RBFOX1: variants seen among roughly 807,000 people sequenced by gnomAD.
RBFOX1 encodes RNA binding fox-1 homolog 1, also known as RNA binding protein fox-1 homolog 1.
Under a neutral mutation model 57.7 loss-of-function variants are expected in RBFOX1, and 8 were observed. The ratio of observed to expected loss-of-function variants is 0.14; its 90% CI spans 0.08 to 0.25. The LOEUF (loss-of-function observed/expected upper bound fraction) is 0.25. RBFOX1 is among the 10% of genes least tolerant of loss of function. The probability of loss-of-function intolerance (pLI) is 1.00; values close to 1 mark genes in which losing one functional copy is unlikely to be tolerated. For missense variants in RBFOX1, 611 were observed against 548.5 expected (o/e 1.11, Z -1.14); for synonymous variants, 326 against 222.4 (o/e 1.47, Z -4.15).
chr16:5,875,801 G>A (rs186025292), intron 4 of RBFOX1, among the ~76,000 whole-genome samples: 25 of 151,656 alleles, frequency 1.6e-4, no homozygotes, highest in Non-Finnish European at 3.1e-4. Context: ...GAAAAACTAG[G>A]TATCTGTTGC....
At chr16:7,584,976 T>C (rs1339220846) in intron 6 of RBFOX1, among the ~76,000 whole-genome samples, 5 of 152,220 alleles carry the variant, frequency 3.3e-5, no homozygotes, top group African/African-American at 1.2e-4. Flanking sequence ...GTTTGATTGG[T>C]TCTGTCTCAA....
intron 3 of RBFOX1, among the ~76,000 whole-genome samples, chr16:5,763,884 G>T (rs2053677401): frequency 6.6e-6 from 1 of 152,142 alleles, no homozygotes; most frequent in Admixed American, 6.5e-5. Context: ...GGGTTTCCCA[G>T]ATCTCTTTTT....
intron 2 of RBFOX1, among the ~76,000 whole-genome samples, chr16:6,489,072 T>C (rs1386469396): frequency 1.3e-5 from 2 of 152,192 alleles, no homozygotes; most frequent in Admixed American, 1.3e-4. Context: ...TCTTTCTTTA[T>C]AAATATGGCA....
chr16:7,450,506 A>T (rs190808445), intron 4 of RBFOX1, among the ~76,000 whole-genome samples: 7 of 152,098 alleles, frequency 4.6e-5, no homozygotes, highest in Admixed American at 1.3e-4. Context: ...GGATTTGAAG[A>T]TAACGGCCCC....
At chr16:6,120,420 T>C (rs2096540390) in intron 1 of RBFOX1, among the ~76,000 whole-genome samples, 1 of 152,194 alleles carries the variant, frequency 6.6e-6, no homozygotes. Context: ...CCATTCTCTT[T>C]GTAAACAAAT....
chr16:7,462,014 C>G (rs764121150), intron 4 of RBFOX1, among the ~76,000 whole-genome samples: 1 of 152,164 alleles, frequency 6.6e-6, no homozygotes, highest in Non-Finnish European at 1.5e-5. Context: ...TATTTTCTCT[C>G]CTTACGTGCC....
intron 2 of RBFOX1, among the ~76,000 whole-genome samples, chr16:6,550,246 C>G (rs1393344240): frequency 1.3e-5 from 2 of 152,064 alleles, no homozygotes; most frequent in Non-Finnish European, 2.9e-5. Context: ...GGCGTGATCT[C>G]AGCTCACTGC....
chr16:5,340,504 A>G (rs999101108), intron 1 of RBFOX1, among the ~76,000 whole-genome samples: 5 of 152,228 alleles, frequency 3.3e-5, no homozygotes, highest in Admixed American at 1.3e-4. Flanking sequence ...GGCATGTGTC[A>G]TTCCTGAAGT....
At chr16:7,362,804 C>G (rs938336714) in intron 4 of RBFOX1, among the ~76,000 whole-genome samples, 1 of 152,126 alleles carries the variant, frequency 6.6e-6, no homozygotes, top group Non-Finnish European at 1.5e-5. Flanking sequence ...CAAGTGTTCA[C>G]TGCCAGAGAA....
intron 4 of RBFOX1, among the ~76,000 whole-genome samples, chr16:7,208,623 G>A (rs1190307923): frequency 6.6e-6 from 1 of 151,986 alleles, no homozygotes; most frequent in Non-Finnish European, 1.5e-5. Flanking sequence ...TTTGCTTCAG[G>A]GTAAGAGTTT....
At chr16:7,131,730 G>C (rs1314990792) in intron 4 of RBFOX1, among the ~76,000 whole-genome samples, 2 of 151,962 alleles carry the variant, frequency 1.3e-5, no homozygotes, top group South Asian at 4.1e-4. Flanking sequence ...TCTGACCAGA[G>C]GCTCTTGTAC....
At chr16:7,272,196 T>C (rs1422177910) in intron 4 of RBFOX1, among the ~76,000 whole-genome samples, 1 of 152,218 alleles carries the variant, frequency 6.6e-6, no homozygotes, top group Admixed American at 6.5e-5. Context: ...CTATTTTATT[T>C]TTTTTGAGAA....
intron 1 of RBFOX1, among the ~76,000 whole-genome samples, chr16:5,449,056 C>T (rs1215517683): frequency 7.2e-5 from 11 of 152,204 alleles, no homozygotes; most frequent in East Asian, 1.9e-4. Flanking sequence ...AGACTGGACA[C>T]GTTACCCCAA....
chr16:7,200,106 A>T (rs2087936806), intron 4 of RBFOX1, among the ~76,000 whole-genome samples: 1 of 152,230 alleles, frequency 6.6e-6, no homozygotes, highest in South Asian at 2.1e-4. Context: ...AGGGACATGA[A>T]CACATAGCAC....
intron 1 of RBFOX1, among the ~76,000 whole-genome samples, chr16:5,345,003 CCCTTTG>C (rs1202292484): frequency 6.6e-6 from 1 of 152,214 alleles, no homozygotes; most frequent in African/African-American, 2.4e-5. Context: ...CACCTCCCTG[CCCTTTG>C]CAGGCACCAC....
intron 1 of RBFOX1, among the ~76,000 whole-genome samples, chr16:5,422,290 G>C (rs1426948340): frequency 1.4e-5 from 2 of 145,406 alleles, no homozygotes; most frequent in Non-Finnish European, 3.0e-5. Flanking sequence ...TAGAGGAGAA[G>C]GGAGGGAGAG....
chr16:6,450,896 C>G (rs1480340940), intron 2 of RBFOX1, among the ~76,000 whole-genome samples: 1 of 118,680 alleles, frequency 8.4e-6, no homozygotes, highest in Non-Finnish European at 1.7e-5. Context: ...TATTGATCTT[C>G]TCTTCTTCTT....
At position 7,600,257 on chromosome 16, in the gene RBFOX1, T is replaced by C. The variant is rs750569423; in HGVS notation, c.622+2826T>C. Among the ~76,000 whole-genome samples, 124 of 152,304 alleles carry C rather than the reference T, an allele frequency of 8.1e-4. 2 individuals carry two copies. Among genetic ancestry groups the C allele is most frequent in the Middle Eastern group, 3.4e-3 (1 of 294 alleles). On this transcript the variant is annotated intron_variant, in intron 9 of 15. Coordinates refer to ENST00000550418, the MANE Select transcript of RBFOX1 (RefSeq NM_018723.4). ...GTATGGCACCTAAGGGGTTGATGGA[T>C]AGACACAGTAGAATTTATTTAAAAC...
intron 2 of RBFOX1, among the ~76,000 whole-genome samples, chr16:6,421,350 G>C (rs1317662560): frequency 6.6e-6 from 1 of 152,212 alleles, no homozygotes. Flanking sequence ...GACAAATCAT[G>C]TTGAATGAGA....
Sources: gnomAD v4.1 joint callset for allele counts (sites outside exome capture counted in the v4.1 genomes callset) on GRCh38, gnomAD v4.1.1 for gene constraint, MANE v1.5 for transcripts, NCBI Gene and HGNC (gene_info 2026-07-23, HGNC 2026-07-21) for gene names.